Variants in MYO1G observed in about 807,000 individuals in gnomAD.
MYO1G encodes the protein myosin IG.
A neutral mutation model predicts 115.3 loss-of-function variants in MYO1G; 65 were observed. The ratio of observed to expected loss-of-function variants is 0.56; its 90% confidence interval spans 0.46 to 0.69. MYO1G has a LOEUF of 0.69. Ranked by LOEUF, MYO1G falls within the 30% of genes least tolerant of loss-of-function variation. The probability of loss-of-function intolerance (pLI) is 0.00; values close to 1 mark genes in which losing one functional copy is unlikely to be tolerated. For missense variants in MYO1G, 1,204 were observed against 1,393.5 expected, an observed-to-expected ratio of 0.86 and a Z score of 2.16; for synonymous variants, 510 against 552.6, an observed-to-expected ratio of 0.92 and a Z score of 1.08.
chr7:44,966,551 C>T lies in MYO1G; in HGVS notation c.1949+121G>A, dbSNP rs77201144. The T allele has an allele frequency of 1.9e-4, 237 of 1,254,906 alleles. No homozygotes were observed. The highest frequency in any genetic ancestry group is 2.6e-4 in the East Asian group (11 of 41,948). The allele number at this position is 1,254,906 out of a possible 1,614,324, so 77.7% of individuals were successfully genotyped here. ...TATTTTGGTGTCTTGAGGCCAGCAG[C>T]GTGCTGGTTCCTGCTTGTATCGATG... On this transcript the variant is annotated intron_variant, in intron 15 of 21. Coordinates refer to ENST00000258787, the MANE Select transcript of MYO1G (RefSeq NM_033054.3). The surrounding 1 kb of genome is among the most constrained non-coding windows in gnomAD (Gnocchi z 5.0).
Position 44,966,906 on chromosome 7 carries a change from G to A in MYO1G, c.1783-68C>T. 1 of 1,498,686 alleles carries A rather than the reference G, an allele frequency of 6.7e-7. No homozygotes were observed. Among genetic ancestry groups the A allele is most frequent in the Non-Finnish European group, 8.9e-7 (1 of 1,117,458 alleles). 92.8% of individuals were successfully genotyped at this position (1,498,686 alleles called of 1,614,324 possible). On this transcript the variant is annotated intron_variant, in intron 14 of 21. Transcript: ENST00000258787. The surrounding 1 kb of genome is among the most constrained non-coding windows in gnomAD (Gnocchi z 5.0). ...CACTGTGCACCCTGCCCCACACCAG[G>A]GGCTTCCTAACCCCTCAAGGTCCCA...
At chr7:44,971,624 G>A (rs1373827655) in intron 7 of MYO1G, 49 bp downstream of exon 7, 3 of 1,414,516 alleles carry the variant, frequency 2.1e-6, no homozygotes, top group African/African-American at 1.4e-5. Flanking sequence ...TCCCAGCCAG[G>A]AAACCCTTGT....
rs758921507 is a variant in MYO1G at position 44,966,246 on chromosome 7, G to A, written c.1984C>T (p.His662Tyr). ...KMTCEYTWPN[H>Y]LLGSDKAAVS... ...GCTGCCTTGTCGGAGCCCAGCAGGT[G>A]GTTGGGCCATGTGTATTCACAGGTC... Residue 662 changes from histidine (H) to tyrosine (Y), a missense_variant, in exon 16 of 22, where the codon CAC (histidine) becomes TAC (tyrosine). Transcript: ENST00000258787. This position sits in a 1 kb window ranked among gnomAD's most constrained non-coding sequence, Gnocchi z 5.0. 6.2e-7 allele frequency: 1 copy of A among 1,611,174 alleles called. No homozygotes were observed. Among genetic ancestry groups the A allele is most frequent in the Non-Finnish European group, 8.5e-7 (1 of 1,179,306 alleles).
rs758852008 is a variant in MYO1G at position 44,967,743 on chromosome 7, GAC to G, written c.1650-8_1650-7del. 5.4e-5 allele frequency: 87 copies of G among 1,613,208 alleles called. No homozygotes were observed. The highest frequency in any genetic ancestry group is 1.7e-4 in the Middle Eastern group (1 of 6,048). On this transcript the variant is annotated splice_polypyrimidine_tract_variant and splice_region_variant and intron_variant, in intron 13 of 21. Transcript: ENST00000258787. The stretch of plus-strand genomic sequence containing the variant: ...CCCGTAGAGTGGGGTCCGTGCTGCA[GAC>G]ACAGGCCGAATTCCCAGCCATCCTC...
rs761378235 is a variant in MYO1G, at chr7:44,975,185, C to A, written c.607G>T (p.Ala203Ser). The A allele has an allele frequency of 2.5e-6, 4 of 1,613,996 alleles. No homozygotes were observed. The highest frequency in any genetic ancestry group is 1.1e-5 in the South Asian group (1 of 91,078). The change falls in exon 5 of 22, where the codon GCC becomes TCC. Residue 203 changes from alanine to serine, a missense_variant. Physicochemically the swap from Ala to Ser is moderately conservative, Grantham distance 99. Coordinates refer to ENST00000258787, the MANE Select transcript of MYO1G (RefSeq NM_033054.3). ...CCCTCAGGGCTTACTTGGTAGAAGGCGTGGAAGTTTCTTTCACCCACGTGC... is the reference window on the plus strand; with the variant it reads ...CCCTCAGGGCTTACTTGGTAGAAGGAGTGGAAGTTTCTTTCACCCACGTGC... Reference protein sequence around the residue: ...KQHVGERNFHAFYQLLRGSED... With the variant: ...KQHVGERNFHSFYQLLRGSED...
Position 44,962,895 on chromosome 7 carries a change from C to A in MYO1G, c.2901G>T (p.Gly967=). The A allele has an allele frequency of 6.7e-7, 1 of 1,488,666 alleles. No homozygotes were observed. Among genetic ancestry groups the A allele is most frequent in the Non-Finnish European group, 8.9e-7 (1 of 1,121,292 alleles). The allele number at this position is 1,488,666 out of a possible 1,614,324, so 92.2% of individuals were successfully genotyped here. The change falls in exon 22 of 22, where the codon GGG becomes GGT. Residue 967 remains glycine, a splice_region_variant and synonymous_variant. Transcript: ENST00000258787. This position sits in a 1 kb window ranked among gnomAD's most constrained non-coding sequence, Gnocchi z 5.3. ...LVGVLAAHCQ[G]EGRTLEVRVS... ...CGCGAACCTCCAGGGTGCGGCCCTC[C>A]CTGCGGCAGGAGGAGGGGTCAGGGC...
rs936084630 is a variant in MYO1G at position 44,975,714 on chromosome 7, C to T, written c.399-65G>A. ...CCCATCTGGGGAATGCTGTCTCTGCCCCTGAGTCTTCCCAACAGAAATCAC... is the reference window on the plus strand; with the variant it reads ...CCCATCTGGGGAATGCTGTCTCTGCTCCTGAGTCTTCCCAACAGAAATCAC... On this transcript the variant is annotated intron_variant, in intron 3 of 21. Transcript: ENST00000258787. 5.5e-6 allele frequency: 8 copies of T among 1,458,706 alleles called. No homozygotes were observed. The African/African-American group carries it at 1.1e-4, about 21-fold the overall frequency. The allele number at this position is 1,458,706 out of a possible 1,614,324, so 90.4% of individuals were successfully genotyped here. A position where few individuals can be genotyped will look rare whatever the true frequency, so the allele number is the denominator to read the frequency against.
Position 44,969,056 on chromosome 7 carries a change from ATGCAGAATCTTGGCCCCCC to A in MYO1G, c.1574+338_1574+356del, listed in dbSNP as rs1794904123. 4.0e-6 allele frequency: 1 copy of A among 247,698 alleles called. No homozygotes were observed. Among genetic ancestry groups the A allele is most frequent in the South Asian group, 5.4e-5 (1 of 18,540 alleles). 15.3% of individuals were successfully genotyped at this position (247,698 alleles called of 1,614,324 possible). On this transcript the variant is annotated intron_variant, in intron 12 of 21. Transcript: ENST00000258787. This position sits in a 1 kb window ranked among gnomAD's most constrained non-coding sequence, Gnocchi z 5.0. ...GGCCTCACCTGGGAGCTTGTTAGAA[ATGCAGAATCTTGGCCCCCC>A]TGCACCTTCCACTCCCTCCCCACCC...
chr7:44,969,099 C>CT lies in MYO1G; in HGVS notation c.1574+313_1574+314insA. 1 of 320,874 alleles carries CT rather than the reference C, an allele frequency of 3.1e-6. No homozygotes were observed. Among genetic ancestry groups the CT allele is most frequent in the Admixed American group, 4.0e-5 (1 of 24,900 alleles). The allele number at this position is 320,874 out of a possible 1,614,324, so 19.9% of individuals were successfully genotyped here. A position where few individuals can be genotyped will look rare whatever the true frequency, so the allele number is the denominator to read the frequency against. Reference sequence around the variant, plus strand: ...CCTGCACCTTCCACTCCCTCCCCACCCCCACATCACCAGCCTGAAGCCCCC... The same window carrying CT: ...CCTGCACCTTCCACTCCCTCCCCACCTCCCACATCACCAGCCTGAAGCCCCC... On this transcript the variant is annotated intron_variant, in intron 12 of 21. Coordinates refer to ENST00000258787, the MANE Select transcript of MYO1G (RefSeq NM_033054.3). This position sits in a 1 kb window ranked among gnomAD's most constrained non-coding sequence, Gnocchi z 5.0.
chr7:44,970,763 C>G (rs1476292789), intron 8 of MYO1G, 26 bp from the exon 9 acceptor site: 2 of 1,613,516 alleles, frequency 1.2e-6, no homozygotes, highest in African/African-American at 2.7e-5. Flanking sequence ...ACCCTGCTTC[C>G]TGCTGCCTCT....
Position 44,970,028 on chromosome 7 carries a change from C to T in MYO1G, c.1332+12G>A. On this transcript the variant is annotated intron_variant, in intron 10 of 21. Coordinates refer to ENST00000258787, the MANE Select transcript of MYO1G (RefSeq NM_033054.3). Reference sequence around the variant, plus strand: ...CCCACTGCCTGGCCTCCCTCCAGGCCACAGTGCTCACGCTCTGCCAGGTGA... The same window carrying T: ...CCCACTGCCTGGCCTCCCTCCAGGCTACAGTGCTCACGCTCTGCCAGGTGA... The T allele has an allele frequency of 6.2e-7, 1 of 1,612,270 alleles. No individual in the cohort carries two copies. The highest frequency in any genetic ancestry group is 1.1e-5 in the South Asian group (1 of 90,986).
intron 4 of MYO1G, 64 bp downstream of exon 4, chr7:44,975,420 C>A: frequency 6.4e-7 from 1 of 1,572,120 alleles, no homozygotes; most frequent in Non-Finnish European, 8.7e-7. Flanking sequence ...TGGGTACCTT[C>A]CCAGGCCTGG....
In MYO1G at chr7:44,962,927, G is replaced by T; in HGVS notation, c.2901-32C>A. 1 of 1,500,410 alleles carries T rather than the reference G, an allele frequency of 6.7e-7. No homozygotes were observed. Among genetic ancestry groups the T allele is most frequent in the Non-Finnish European group, 8.9e-7 (1 of 1,127,708 alleles). The allele number at this position is 1,500,410 out of a possible 1,614,324, so 92.9% of individuals were successfully genotyped here. ...CAGGAGGAGGGGTCAGGGCGGCCAC[G>T]CGGCCGGGGCTTCGTGCCCGCTACC... On this transcript the variant is annotated intron_variant, in intron 21 of 21. Coordinates refer to ENST00000258787, the MANE Select transcript of MYO1G (RefSeq NM_033054.3). The surrounding 1 kb of genome is among the most constrained non-coding windows in gnomAD (Gnocchi z 5.3).
At position 44,963,259 on chromosome 7, in the gene MYO1G, G is replaced by C; in HGVS notation, c.2746-135C>G. On this transcript the variant is annotated intron_variant, in intron 20 of 21. Coordinates refer to ENST00000258787, the MANE Select transcript of MYO1G (RefSeq NM_033054.3). This position sits in a 1 kb window ranked among gnomAD's most constrained non-coding sequence, Gnocchi z 4.1. ...AGCGCCGCCCTCGCCAGGGCCACCA[G>C]CCCCCCACCGCCCCCTCCTCCCTCT... 2.0e-6 allele frequency: 2 copies of C among 976,576 alleles called. No individual in the cohort carries two copies. Among genetic ancestry groups the C allele is most frequent in the Non-Finnish European group, 1.4e-6 (1 of 707,764 alleles). The allele number at this position is 976,576 out of a possible 1,614,324, so 60.5% of individuals were successfully genotyped here. A position where few individuals can be genotyped will look rare whatever the true frequency, so the allele number is the denominator to read the frequency against.
At chr7:44,967,794 A>G in intron 13 of MYO1G, 57 bp from the exon 14 acceptor site, 1 of 1,611,754 alleles carries the variant, frequency 6.2e-7, no homozygotes, top group South Asian at 1.1e-5. Flanking sequence ...CCACCCACCC[A>G]CGTCCTGACG....
Position 44,975,707 on chromosome 7 carries a change from T to C in MYO1G, c.399-58A>G, listed in dbSNP as rs544922018. 2.7e-6 allele frequency: 4 copies of C among 1,485,058 alleles called. No homozygotes were observed. In the African/African-American group the frequency reaches 5.6e-5, roughly 21 times the overall value. The allele number at this position is 1,485,058 out of a possible 1,614,324, so 92.0% of individuals were successfully genotyped here. A position where few individuals can be genotyped will look rare whatever the true frequency, so the allele number is the denominator to read the frequency against. Reference sequence around the variant, plus strand: ...AAGACTTCCCATCTGGGGAATGCTGTCTCTGCCCCTGAGTCTTCCCAACAG... The same window carrying C: ...AAGACTTCCCATCTGGGGAATGCTGCCTCTGCCCCTGAGTCTTCCCAACAG... On this transcript the variant is annotated intron_variant, in intron 3 of 21. Transcript: ENST00000258787.
In MYO1G at chr7:44,971,714, C is replaced by T. The variant is rs1402009966; in HGVS notation, c.805G>A (p.Val269Met). 2 of 1,557,526 alleles carry T rather than the reference C, an allele frequency of 1.3e-6. No individual in the cohort carries two copies. The highest frequency in any genetic ancestry group is 1.4e-5 in the African/African-American group (1 of 73,678). Residue 269 changes from valine to methionine, a missense_variant, in exon 7 of 22, where the codon GTG (valine) becomes ATG (methionine). Transcript: ENST00000258787. ...GCCAGGATGCGATGCACAGACTCCA[C>T]CTCTTCAGGACTGAAGCCGATGACC... is the stretch of plus-strand genomic sequence containing the variant. ...MRVIGFSPEE[V>M]ESVHRILAAI...
chr7:44,965,817 C>G lies in MYO1G; in HGVS notation c.2201G>C (p.Arg734Thr). The G allele has an allele frequency of 6.2e-7, 1 of 1,601,046 alleles. No individual in the cohort carries two copies. Among genetic ancestry groups the G allele is most frequent in the Non-Finnish European group, 8.5e-7 (1 of 1,179,598 alleles). Reference protein sequence around the residue: ...TLARWRCRRLRAIYTIMRWFR... With the variant: ...TLARWRCRRLTAIYTIMRWFR... Reference sequence around the variant, plus strand: ...CCAGCGCATGATGGTGTAGATAGCCCTCAGCCTCCGGCAGCGCCACCTCGC... The same window carrying G: ...CCAGCGCATGATGGTGTAGATAGCCGTCAGCCTCCGGCAGCGCCACCTCGC... Residue 734 changes from arginine to threonine, a missense_variant, in exon 17 of 22, where the codon AGG (arginine) becomes ACG (threonine). Arg to Thr is a moderately conservative substitution (Grantham distance 71, BLOSUM62 -1). Transcript: ENST00000258787.
At position 44,964,382 on chromosome 7, in the gene MYO1G, C is replaced by G; in HGVS notation, c.2631+33G>C. The G allele has an allele frequency of 6.3e-7, 1 of 1,583,404 alleles. No individual in the cohort carries two copies. Among genetic ancestry groups the G allele is most frequent in the East Asian group, 2.2e-5 (1 of 44,534 alleles). ...TGCAGACGTGGCTAGAAAAAGAGCA[C>G]AGCCCTGAAGCCATCCTTGTCCCTT... On this transcript the variant is annotated intron_variant, in intron 19 of 21. Transcript: ENST00000258787. This position sits in a 1 kb window ranked among gnomAD's most constrained non-coding sequence, Gnocchi z 5.1.
Sources: gnomAD v4.1 joint callset for allele counts on GRCh38, gnomAD v4.1.1 for gene constraint, Gnocchi (gnomAD v3.1) non-coding constraint, MANE v1.5 for transcripts, NCBI Gene and HGNC (gene_info 2026-07-23, HGNC 2026-07-21) for gene names.